CHID1: variants seen among roughly 807,000 people sequenced by gnomAD.
The protein encoded by CHID1 is chitinase domain-containing protein 1.
A neutral mutation model predicts 55.4 loss-of-function variants in CHID1; 44 were observed. The observed-to-expected ratio is 0.79, with a 90% CI of 0.62 to 1.02. The LOEUF (loss-of-function observed/expected upper bound fraction) is 1.02. Among genes scored for constraint, CHID1 ranks in the 50% least tolerant of loss-of-function variants. The pLI, the probability that CHID1 is intolerant of heterozygous loss-of-function variation, is 0.00. For missense variants in CHID1, 491 were observed against 515.3 expected (o/e 0.95, Z 0.46); for synonymous variants, 216 against 212.9 (o/e 1.01, Z -0.13).
At chr11:899,921 A>G in intron 6 of CHID1, 83 bp downstream of exon 6, 2 of 921,032 alleles carry the variant, frequency 2.2e-6, no homozygotes, top group Non-Finnish European at 3.5e-6. Flanking sequence ...AGCCGAGTGG[A>G]GGCCTCGCGG....
chr11:880,332 C>T (rs951951398), intron 10 of CHID1, among the ~76,000 whole-genome samples: 8 of 152,226 alleles, frequency 5.3e-5, no homozygotes, highest in African/African-American at 9.6e-5. Context: ...TGTCCGCCCC[C>T]GCAGCAGGGT....
chr11:914,442 G>T, upstream of CHID1: 1 of 1,037,764 alleles, frequency 9.6e-7, no homozygotes, highest in South Asian at 1.3e-5. Context: ...GCAGGGGCAG[G>T]CCGGTGGGGT....
intron 10 of CHID1, among the ~76,000 whole-genome samples, chr11:871,193 G>A (rs1021362553): frequency 2.6e-5 from 4 of 152,018 alleles, no homozygotes; most frequent in South Asian, 2.1e-4. Flanking sequence ...CGGTTTCACC[G>A]TATTGGCCAA....
At chr11:892,239 G>A (rs933874111) in intron 8 of CHID1, among the ~76,000 whole-genome samples, 7 of 152,306 alleles carry the variant, frequency 4.6e-5, no homozygotes, top group African/African-American at 7.2e-5. Flanking sequence ...TGGGCTGCAG[G>A]AGCAGAACTG....
intron 7 of CHID1, among the ~76,000 whole-genome samples, chr11:894,565 C>T (rs377537041): frequency 1.1e-4 from 17 of 152,302 alleles, no homozygotes; most frequent in African/African-American, 3.1e-4. Flanking sequence ...GCTGTTACCG[C>T]ACGTAGGAGA....
intron 7 of CHID1, among the ~76,000 whole-genome samples, chr11:898,401 G>GA (rs1234536388): frequency 3.9e-5 from 6 of 152,230 alleles, no homozygotes; most frequent in Non-Finnish European, 8.8e-5. Context: ...ACAGAAGGCT[G>GA]AAGGGCTGGA....
chr11:914,511 C>G (rs1248665359), upstream of CHID1: 1 of 1,288,564 alleles, frequency 7.8e-7, no homozygotes, highest in Non-Finnish European at 1.0e-6. Context: ...TTTAGGAGAC[C>G]CCATGCCTTA....
intron 10 of CHID1, among the ~76,000 whole-genome samples, chr11:873,219 C>T (rs1329185558): frequency 6.6e-6 from 1 of 152,032 alleles, no homozygotes; most frequent in Non-Finnish European, 1.5e-5. Flanking sequence ...CGGGCAGCTG[C>T]AGGCACAGCA....
chr11:894,596 G>C (rs1851119833), intron 7 of CHID1, among the ~76,000 whole-genome samples: 1 of 152,208 alleles, frequency 6.6e-6, no homozygotes, highest in South Asian at 2.1e-4. Context: ...CACGCTGCAG[G>C]CCCCTGGGAG....
At chr11:873,424 C>T (rs933441259) in intron 10 of CHID1, among the ~76,000 whole-genome samples, 6 of 151,994 alleles carry the variant, frequency 3.9e-5, no homozygotes, top group Non-Finnish European at 7.4e-5. Flanking sequence ...CCAGGAGGAA[C>T]AAGGGCCACA....
At chr11:895,443 C>T (rs903620383) in intron 7 of CHID1, among the ~76,000 whole-genome samples, 5 of 152,124 alleles carry the variant, frequency 3.3e-5, no homozygotes, top group Admixed American at 1.3e-4. Context: ...ACATGGGCCC[C>T]GGAGGCGACG....
At chr11:902,888 G>A in intron 3 of CHID1, 74 bp downstream of exon 3, 2 of 1,411,504 alleles carry the variant, frequency 1.4e-6, no homozygotes, top group Non-Finnish European at 2.0e-6. Flanking sequence ...CTGGCCAGAA[G>A]AGGCCATCAC....
At chr11:870,611 C>CT in intron 10 of CHID1, 112 bp from the exon 11 acceptor site, 1 of 745,982 alleles carries the variant, frequency 1.3e-6, no homozygotes, top group Non-Finnish European at 2.3e-6. Flanking sequence ...GGGGCAGCCA[C>CT]TGTCCCCAGT....
rs1321845933 is a variant in CHID1 at position 869,043 on chromosome 11, C to A, written c.*815G>T. On this transcript the variant is annotated 3_prime_UTR_variant, in exon 13 of 13. Transcript: ENST00000323578. Reference sequence around the variant, plus strand: ...ATGATGCCTCCAAATTCCCCAGGGCCTCCCCAGAGCCTGGACACCGCTGCA... The same window carrying A: ...ATGATGCCTCCAAATTCCCCAGGGCATCCCCAGAGCCTGGACACCGCTGCA... 1 of 152,362 alleles carries A rather than the reference C, an allele frequency of 6.6e-6. No individual in the cohort carries two copies. Among genetic ancestry groups the A allele is most frequent in the African/African-American group, 2.4e-5 (1 of 41,458 alleles). 9.4% of individuals were successfully genotyped at this position (152,362 alleles called of 1,614,324 possible).
upstream of CHID1, chr11:911,275 C>T (rs529742879): frequency 3.3e-5 from 5 of 152,326 alleles, no homozygotes; most frequent in East Asian, 9.7e-4. Context: ...TCTCCATCCC[C>T]AGGCCGATGG....
upstream of CHID1, among the ~76,000 whole-genome samples, chr11:912,114 G>T (rs1284945726): frequency 6.6e-6 from 1 of 152,174 alleles, no homozygotes; most frequent in Non-Finnish European, 1.5e-5. Context: ...TTGAGGTCAG[G>T]CGTTCGACAC....
chr11:891,307 C>T (rs932903286), intron 8 of CHID1, among the ~76,000 whole-genome samples: 5 of 152,166 alleles, frequency 3.3e-5, no homozygotes, highest in African/African-American at 9.6e-5. Flanking sequence ...CCGTGGGCCT[C>T]GGCCCCGCCC....
chr11:871,029 C>T (rs1418057518), intron 10 of CHID1, among the ~76,000 whole-genome samples: 2 of 146,308 alleles, frequency 1.4e-5, no homozygotes, highest in Admixed American at 6.9e-5. Context: ...CTCACTCTGT[C>T]GCCCAGGCTG....
intron 8 of CHID1, among the ~76,000 whole-genome samples, chr11:891,951 A>C (rs1017491151): frequency 1.3e-5 from 2 of 151,626 alleles, no homozygotes; most frequent in Non-Finnish European, 2.9e-5. Flanking sequence ...AAAAAAAAAA[A>C]AAAAAAAAAC....
Sources: allele counts gnomAD v4.1 joint callset (sites outside exome capture counted in the v4.1 genomes callset), GRCh38; gene constraint gnomAD v4.1.1; transcripts MANE v1.5; gene names NCBI Gene and HGNC (gene_info 2026-07-23, HGNC 2026-07-21).